The following PLXNB1 variants were observed in gnomAD, a reference collection of about 807,000 sequenced individuals.
The protein encoded by PLXNB1 is plexin-B1.
Under a neutral mutation model 209.4 loss-of-function variants are expected in PLXNB1, and 106 were observed. That is an observed-to-expected ratio of 0.51 (90% confidence interval 0.43 to 0.59). PLXNB1 has a LOEUF of 0.59. PLXNB1 is among the 20% of genes least tolerant of loss of function. The pLI is 0.00. For missense variants in PLXNB1, 2,357 were observed against 2,853.2 expected (o/e 0.83, Z 3.96); for synonymous variants, 1,167 against 1,183.2 (o/e 0.99, Z 0.28).
Position 48,424,156 on chromosome 3 carries a change from C to T in PLXNB1, c.456G>A (p.Thr152=), listed in dbSNP as rs757308406. 11 of 1,571,778 alleles carry T rather than the reference C, an allele frequency of 7.0e-6. No homozygotes were observed. The highest frequency in any genetic ancestry group is 2.7e-5 in the African/African-American group (2 of 73,960). Residue 152 remains threonine, a synonymous_variant, in exon 3 of 38, where the codon ACG becomes ACA. Transcript: ENST00000296440. ...CCAAGCCCTGGGCTACCAGCCCCAC[C>T]GTGCTGACCGCAGGATCATTGGCAG... ...YVAANDPAVS[T]VGLVAQGLAG... is the part of the protein sequence containing the mutation.
At position 48,418,957 on chromosome 3, in the gene PLXNB1, G is replaced by A. The variant is rs1368709503; in HGVS notation, c.2915C>T (p.Pro972Leu). The change falls in exon 13 of 38, where the codon CCT (proline) becomes CTT (leucine). Residue 972 changes from proline (P) to leucine (L), a missense_variant. This residue lies in a region of PLXNB1 where 410 missense variants were observed against 401.0 expected (regional missense o/e 1.02). Coordinates refer to ENST00000296440, the MANE Select transcript of PLXNB1 (RefSeq NM_001130082.3). The surrounding 1 kb of genome is among the most constrained non-coding windows in gnomAD (Gnocchi z 6.6). ...GGTGACATGGCACTGGGTATCTGGA[G>A]GTGGCTCACACTCGACCCGGGCCTC... ...VVEARVECEP[P>L]PDTQCHVTCQ... The A allele has an allele frequency of 6.2e-7, 1 of 1,614,066 alleles. No homozygotes were observed. The highest frequency in any genetic ancestry group is 8.5e-7 in the Non-Finnish European group (1 of 1,180,006).
In PLXNB1 at chr3:48,410,157, G is replaced by T; in HGVS notation, c.5606-80C>A. The T allele has an allele frequency of 6.7e-7, 1 of 1,492,982 alleles. No homozygotes were observed. The highest frequency in any genetic ancestry group is 9.0e-7 in the Non-Finnish European group (1 of 1,107,164). The allele number at this position is 1,492,982 out of a possible 1,614,324, so 92.5% of individuals were successfully genotyped here. The stretch of plus-strand genomic sequence containing the variant: ...CCCTGTTTCTTGCCAGCTCTCCCAG[G>T]GGTGGGGGCACCTGGTTGAGGGATT... On this transcript the variant is annotated intron_variant, in intron 31 of 37. Transcript: ENST00000296440. The surrounding 1 kb of genome is among the most constrained non-coding windows in gnomAD (Gnocchi z 6.4).
chr3:48,421,416 G>A (rs779887441), intron 7 of PLXNB1, 32 bp from the exon 8 acceptor site: 9 of 1,514,854 alleles, frequency 5.9e-6, no homozygotes, highest in Non-Finnish European at 8.0e-6. Flanking sequence ...CACTGTTGGG[G>A]CTAGTGGGCA....
In PLXNB1 at chr3:48,418,504, C is replaced by T; in HGVS notation, c.2994G>A (p.Gly998=). 6.2e-7 allele frequency: 1 copy of T among 1,610,978 alleles called. No individual in the cohort carries two copies. Among genetic ancestry groups the T allele is most frequent in the South Asian group, 1.1e-5 (1 of 90,666 alleles). Residue 998 remains glycine (G), a synonymous_variant, in exon 14 of 38, where the codon GGG becomes GGA. Coordinates refer to ENST00000296440, the MANE Select transcript of PLXNB1 (RefSeq NM_001130082.3). This position sits in a 1 kb window ranked among gnomAD's most constrained non-coding sequence, Gnocchi z 6.6. The part of the protein sequence containing the change: ...YEALQPELRV[G]LFLRRAGRLR... ...GACGGCCGGCCCGACGCAGAAACAG[C>T]CCCACACGGAGCTCCGGCTGCAGAG...
rs372815124 is a variant in PLXNB1, at chr3:48,416,066, G to A, written c.3582C>T (p.Asp1194=). 19 of 1,602,384 alleles carry A rather than the reference G, an allele frequency of 1.2e-5. No individual in the cohort carries two copies. The highest frequency in any genetic ancestry group is 1.6e-5 in the Non-Finnish European group (19 of 1,174,852). ...GCTGGTCTCCAACCACCACTCGGAT[G>A]TCCTCCAGCCGCCCAGTCAGGAGCT... The part of the protein sequence containing the change: ...GSKLLTGRLE[D]IRVVVGDQPC... Residue 1194 remains aspartate (D), a synonymous_variant, in exon 18 of 38, where the codon GAC becomes GAT. Transcript: ENST00000296440. This position sits in a 1 kb window ranked among gnomAD's most constrained non-coding sequence, Gnocchi z 4.1.
chr3:48,418,972 A>G lies in PLXNB1; in HGVS notation c.2900T>C (p.Val967Ala). ...GGTATCTGGAGGTGGCTCACACTCG[A>G]CCCGGGCCTCAACCACCACCTCGAG... ...EGLEVVVEAR[V>A]ECEPPPDTQC... The change falls in exon 13 of 38, where the codon GTC becomes GCC. Residue 967 changes from valine (V) to alanine (A), a missense_variant. By Grantham distance (64) the Val-to-Ala change is moderately conservative (BLOSUM62 0). Around this residue, in one of 7 missense-constraint regions of PLXNB1, gnomAD observed 410 missense variants for 401.0 expected, o/e 1.02. Coordinates refer to ENST00000296440, the MANE Select transcript of PLXNB1 (RefSeq NM_001130082.3). The surrounding 1 kb of genome is among the most constrained non-coding windows in gnomAD (Gnocchi z 6.6). The G allele has an allele frequency of 6.2e-7, 1 of 1,613,876 alleles. No individual in the cohort carries two copies. The highest frequency in any genetic ancestry group is 8.5e-7 in the Non-Finnish European group (1 of 1,179,960).
In PLXNB1 at chr3:48,412,024, G is replaced by A. The variant is rs2037714970; in HGVS notation, c.5101-15C>T. The A allele has an allele frequency of 6.2e-7, 1 of 1,613,508 alleles. No individual in the cohort carries two copies. Among genetic ancestry groups the A allele is most frequent in the Admixed American group, 1.7e-5 (1 of 59,990 alleles). ...CCTACGGAGTCCTAGGAGAGCACAG[G>A]CAGTTAGGGCCCCCCAGCAGGTGGC... On this transcript the variant is annotated splice_polypyrimidine_tract_variant and intron_variant, in intron 27 of 37. Transcript: ENST00000296440.
At chr3:48,422,579 T>A in intron 4 of PLXNB1, 120 bp from the exon 5 acceptor site, 1 of 1,331,008 alleles carries the variant, frequency 7.5e-7, no homozygotes, top group East Asian at 2.5e-5. Context: ...CAGTCACAGG[T>A]CATACCAACT....
Position 48,410,607 on chromosome 3 carries a change from C to T in PLXNB1, c.5417-49G>A, listed in dbSNP as rs1430640737. 1 of 1,470,812 alleles carries T rather than the reference C, an allele frequency of 6.8e-7. No individual in the cohort carries two copies. The highest frequency in any genetic ancestry group is 9.5e-7 in the Non-Finnish European group (1 of 1,052,982). 91.1% of individuals were successfully genotyped at this position (1,470,812 alleles called of 1,614,324 possible). On this transcript the variant is annotated intron_variant, in intron 29 of 37. Transcript: ENST00000296440. The surrounding 1 kb of genome is among the most constrained non-coding windows in gnomAD (Gnocchi z 6.4). ...GTGCAGGGCTGGAAGATACCCTTCC[C>T]ATAGTGGAGCCCATCTCCTCCTCCA...
In PLXNB1 at chr3:48,419,235, C is replaced by T. The variant is rs1229681804; in HGVS notation, c.2832+9G>A. 12 of 1,558,754 alleles carry T rather than the reference C, an allele frequency of 7.7e-6. No individual in the cohort carries two copies. Among genetic ancestry groups the T allele is most frequent in the Non-Finnish European group, 1.0e-5 (12 of 1,149,856 alleles). On this transcript the variant is annotated intron_variant, in intron 12 of 37. Coordinates refer to ENST00000296440, the MANE Select transcript of PLXNB1 (RefSeq NM_001130082.3). The surrounding 1 kb of genome is among the most constrained non-coding windows in gnomAD (Gnocchi z 5.7). ...GCTGCAAGGACAGCGGCAGGCAGGA[C>T]ACACTGACCTGGAAAAGGTGCAGGT... is the stretch of plus-strand genomic sequence containing the variant.
chr3:48,422,735 G>T, intron 4 of PLXNB1, 30 bp downstream of exon 4: 1 of 1,602,316 alleles, frequency 6.2e-7, no homozygotes, highest in Non-Finnish European at 8.5e-7. Context: ...CAGACTCTGG[G>T]GCAGGGGCCA....
Position 48,417,891 on chromosome 3 carries a change from G to A in PLXNB1, c.3374+20C>T. On this transcript the variant is annotated intron_variant, in intron 16 of 37. Coordinates refer to ENST00000296440, the MANE Select transcript of PLXNB1 (RefSeq NM_001130082.3). This position sits in a 1 kb window ranked among gnomAD's most constrained non-coding sequence, Gnocchi z 4.4. ...AGGCCCCAGGCTGCGCCGTGCTCCT[G>A]CTGGGTGCAGCCAGCTTACCTGCTG... 6.3e-7 allele frequency: 1 copy of A among 1,599,126 alleles called. No individual in the cohort carries two copies.
Position 48,413,607 on chromosome 3 carries a change from C to T in PLXNB1, c.4535+63G>A. 6.6e-7 allele frequency: 1 copy of T among 1,515,952 alleles called. No homozygotes were observed. The highest frequency in any genetic ancestry group is 1.2e-5 in the South Asian group (1 of 80,648). The allele number at this position is 1,515,952 out of a possible 1,614,324, so 93.9% of individuals were successfully genotyped here. ...TTTCCTGACTCCTGGCCCGGTCTGT[C>T]CCTTCCCAGTCCAGCCAGATCCCAC... On this transcript the variant is annotated intron_variant, in intron 23 of 37. Transcript: ENST00000296440. This position sits in a 1 kb window ranked among gnomAD's most constrained non-coding sequence, Gnocchi z 5.4.
Position 48,415,454 on chromosome 3 carries a change from C to G in PLXNB1, c.3795-107G>C. 7.0e-7 allele frequency: 1 copy of G among 1,424,798 alleles called. No individual in the cohort carries two copies. The highest frequency in any genetic ancestry group is 1.3e-5 in the South Asian group (1 of 76,274). The allele number at this position is 1,424,798 out of a possible 1,614,324, so 88.3% of individuals were successfully genotyped here. On this transcript the variant is annotated intron_variant, in intron 19 of 37. Transcript: ENST00000296440. This position sits in a 1 kb window ranked among gnomAD's most constrained non-coding sequence, Gnocchi z 5.0. ...AGCTCAGCCCCAGCCCCAAACCACA[C>G]GACCCCTTGCCCCTACTAGCAGCAT...
Position 48,410,567 on chromosome 3 carries a change from G to T in PLXNB1, c.5417-9C>A, listed in dbSNP as rs1437059227. 1 of 1,609,040 alleles carries T rather than the reference G, an allele frequency of 6.2e-7. No individual in the cohort carries two copies. Among genetic ancestry groups the T allele is most frequent in the Admixed American group, 1.7e-5 (1 of 60,018 alleles). ...CACCCCAGACCGCCACTCTGCAAGG[G>T]CAAGGCAGAACTGGGTGCAGGGCTG... On this transcript the variant is annotated splice_polypyrimidine_tract_variant and intron_variant, in intron 29 of 37. Transcript: ENST00000296440. The surrounding 1 kb of genome is among the most constrained non-coding windows in gnomAD (Gnocchi z 6.4).
rs1382852530 is a variant in PLXNB1, at chr3:48,419,180, C to T, written c.2832+64G>A. 2 of 1,551,616 alleles carry T rather than the reference C, an allele frequency of 1.3e-6. No homozygotes were observed. Among genetic ancestry groups the T allele is most frequent in the Non-Finnish European group, 1.7e-6 (2 of 1,144,068 alleles). ...TCTGCCCTCCTCCTGCTCCCCAGGG[C>T]TTGTGCAGAGTTTCTCAACAGCTAA... On this transcript the variant is annotated intron_variant, in intron 12 of 37. Transcript: ENST00000296440. The surrounding 1 kb of genome is among the most constrained non-coding windows in gnomAD (Gnocchi z 5.7).
At chr3:48,412,400 C>T in intron 26 of PLXNB1, 42 bp downstream of exon 26, 1 of 1,611,426 alleles carries the variant, frequency 6.2e-7, no homozygotes, top group Non-Finnish European at 8.5e-7. Context: ...CACCCCAGCT[C>T]CAGCTGTCCA....
rs781336724 is a variant in PLXNB1, at chr3:48,420,968, G to A, written c.1811-12C>T. 1 of 1,603,860 alleles carries A rather than the reference G, an allele frequency of 6.2e-7. No homozygotes were observed. ...CACGGATACGTAGTCTGCAGAGGGG[G>A]AGAGAGGGCCAGGGTTAAGCAGCAA... On this transcript the variant is annotated splice_polypyrimidine_tract_variant and intron_variant, in intron 8 of 37. Transcript: ENST00000296440.
In PLXNB1 at chr3:48,416,371, A is replaced by T. The variant is rs1315270724; in HGVS notation, c.3455T>A (p.Val1152Asp). 14 of 1,612,638 alleles carry T rather than the reference A, an allele frequency of 8.7e-6. No homozygotes were observed. The highest frequency in any genetic ancestry group is 6.7e-5 in the Admixed American group (4 of 59,940). The change falls in exon 17 of 38, where the codon GTC (valine) becomes GAC (aspartate). Residue 1152 changes from valine to aspartate, a missense_variant. Physicochemically the swap from Val to Asp is radical, Grantham distance 152. Transcript: ENST00000296440. This position sits in a 1 kb window ranked among gnomAD's most constrained non-coding sequence, Gnocchi z 4.1. ...AVEVPGRGRG[V>D]SEHDFAYQDP... ...CTGGTAGGCAAAGTCGTGTTCTGAG[A>T]CACCACGTCCTCTTCCCGGCACCTC...
Sources: gnomAD v4.1 joint callset for allele counts on GRCh38, gnomAD v4.1.1 for gene constraint, gnomAD v4.1.1 regional missense constraint, Gnocchi (gnomAD v3.1) non-coding constraint, MANE v1.5 for transcripts, NCBI Gene and HGNC (gene_info 2026-07-23, HGNC 2026-07-21) for gene names.